Variants in SLA observed in about 807,000 individuals in gnomAD.
The protein encoded by SLA is Src like adaptor, also known as src-like-adapter.
SLA carries 16 observed loss-of-function variants against 30.3 expected under a neutral mutation model. That is an observed-to-expected ratio of 0.53 (90% CI 0.36 to 0.80). SLA has a LOEUF of 0.80. Ranked by LOEUF, SLA falls within the 30% of genes least tolerant of loss-of-function variation. SLA has a pLI of 0.01. For missense variants in SLA, 310 were observed against 345.2 expected, an observed-to-expected ratio of 0.90 and a Z score of 0.81; for synonymous variants, 143 against 137.8, an observed-to-expected ratio of 1.04 and a Z score of -0.26.
chr8:133,098,296 C>G (rs1848735989), intron 1 of SLA, among the ~76,000 whole-genome samples: 1 of 152,198 alleles, frequency 6.6e-6, no homozygotes, highest in African/African-American at 2.4e-5. Flanking sequence ...TACATGTGTA[C>G]TCTTGTACTA....
intron 1 of SLA, among the ~76,000 whole-genome samples, chr8:133,097,095 G>C (rs1255423984): frequency 3.3e-5 from 5 of 152,240 alleles, no homozygotes; most frequent in Non-Finnish European, 7.3e-5. Context: ...TGTGCATAAA[G>C]CACAAAGAGA....
At position 133,050,906 on chromosome 8, in the gene SLA, C is replaced by T. The variant is rs1162275630; in HGVS notation, c.71G>A (p.Ser24Asn). ...GTCACTTAGCACGGCAAGGAAGTCG[C>T]TATCCAGTCCTGGGGAAACAAAGGC... The part of the protein sequence containing the change: ...RPLPNPEGLD[S>N]DFLAVLSDYP... Residue 24 changes from serine to asparagine, a missense_variant, in exon 4 of 9, where the codon AGC (serine) becomes AAC (asparagine). Coordinates refer to ENST00000338087, the MANE Select transcript of SLA (RefSeq NM_001045556.3). 1 of 1,611,306 alleles carries T rather than the reference C, an allele frequency of 6.2e-7. No individual in the cohort carries two copies. The highest frequency in any genetic ancestry group is 2.2e-5 in the East Asian group (1 of 44,860).
chr8:133,067,776 T>TAGAA (rs1266727359), intron 2 of SLA, among the ~76,000 whole-genome samples: 1 of 140,916 alleles, frequency 7.1e-6, no homozygotes, highest in African/African-American at 2.7e-5. Flanking sequence ...AGACTCCATC[T>TAGAA]AGAAAGAAAG....
At chr8:133,100,784 G>C (rs1240628703) in intron 1 of SLA, among the ~76,000 whole-genome samples, 1 of 152,022 alleles carries the variant, frequency 6.6e-6, no homozygotes, top group East Asian at 1.9e-4. Flanking sequence ...ATGTGCAAAG[G>C]GCTTTCCAAT....
At chr8:133,083,757 G>A (rs1474727066) in intron 1 of SLA, among the ~76,000 whole-genome samples, 7 of 152,104 alleles carry the variant, frequency 4.6e-5, no homozygotes, top group Non-Finnish European at 1.0e-4. Context: ...TGTTGGAATT[G>A]TGTGATGTGG....
At position 133,059,114 on chromosome 8, in the gene SLA, G is replaced by A. The variant is rs115006206; in HGVS notation, c.61+986C>T. The A allele has an allele frequency of 1.1e-3, 507 of 456,312 alleles. 5 individuals are homozygous for A. The highest frequency in any genetic ancestry group is 9.1e-3 in the African/African-American group (457 of 50,216). 28.3% of individuals were successfully genotyped at this position (456,312 alleles called of 1,614,324 possible). The stretch of plus-strand genomic sequence containing the variant: ...GTCCACTTCCCTGTCAGGCTCGGCA[G>A]ACAGGGCAGCCATCTGCGCCAGTGA... On this transcript the variant is annotated intron_variant, in intron 3 of 8. Coordinates refer to ENST00000338087, the MANE Select transcript of SLA (RefSeq NM_001045556.3).
intron 3 of SLA, chr8:133,059,219 CA>C (rs1486523180): frequency 1.6e-5 from 7 of 444,982 alleles, no homozygotes; most frequent in African/African-American, 1.2e-4. Context: ...CACCAGGCCC[CA>C]AATGCTACCA....
At chr8:133,083,039 G>A (rs113607753) in intron 1 of SLA, among the ~76,000 whole-genome samples, 619 of 152,314 alleles carry the variant, frequency 4.1e-3, no homozygotes, top group Non-Finnish European at 5.1e-3. Flanking sequence ...TGGAGGGAGA[G>A]CGATGAGTAG....
intron 6 of SLA, 32 bp downstream of exon 6, chr8:133,047,798 G>T (rs192482325): frequency 1.7e-6 from 2 of 1,197,612 alleles, no homozygotes; most frequent in Non-Finnish European, 2.5e-6. Flanking sequence ...TGTCTGCCCC[G>T]GATGGGGAAA....
intron 2 of SLA, chr8:133,063,743 A>G (rs1288306548): frequency 6.6e-6 from 1 of 152,198 alleles, no homozygotes; most frequent in East Asian, 1.9e-4. Flanking sequence ...ATGACCACCA[A>G]AAAAACCATC....
intron 1 of SLA, among the ~76,000 whole-genome samples, chr8:133,100,104 C>T (rs1447686359): frequency 6.6e-6 from 1 of 152,200 alleles, no homozygotes; most frequent in East Asian, 1.9e-4. Flanking sequence ...TCCTGCTGTT[C>T]CCTCTTGGCT....
At chr8:133,087,557 T>C (rs981861441) in intron 1 of SLA, among the ~76,000 whole-genome samples, 1 of 152,236 alleles carries the variant, frequency 6.6e-6, no homozygotes, top group Middle Eastern at 3.2e-3. Context: ...AATGACTGTT[T>C]CCATTTTGAC....
chr8:133,057,111 C>T (rs1385865574), intron 3 of SLA, among the ~76,000 whole-genome samples: 1 of 145,194 alleles, frequency 6.9e-6, no homozygotes, highest in East Asian at 2.3e-4. Flanking sequence ...TTCCACTGGG[C>T]AACTATGTAA....
At position 133,040,060 on chromosome 8, in the gene SLA, C is replaced by T. The variant is rs1372668526; in HGVS notation, c.555G>A (p.Val185=). 6.4e-7 allele frequency: 1 copy of T among 1,554,914 alleles called. No homozygotes were observed. The highest frequency in any genetic ancestry group is 8.7e-7 in the Non-Finnish European group (1 of 1,148,708). The change falls in exon 8 of 9, where the codon GTG becomes GTA. Residue 185 remains valine (V), a synonymous_variant. Coordinates refer to ENST00000338087, the MANE Select transcript of SLA (RefSeq NM_001045556.3). ...AGGTGACAGGTGAGCTGGAGGCCCT[C>T]ACTGCTGGGGCAGCCGTGCTTTGTG... is the stretch of plus-strand genomic sequence containing the variant. ...CLTQSTAAPA[V]RASSSPVTLR...
intron 1 of SLA, among the ~76,000 whole-genome samples, chr8:133,095,439 T>C (rs1564184996): frequency 6.6e-6 from 1 of 152,198 alleles, no homozygotes; most frequent in Non-Finnish European, 1.5e-5. Context: ...AATTTGTCTT[T>C]CTTATTTATA....
rs189094351 is a variant in SLA, at chr8:133,038,927, G to C, written c.618-190C>G. 4.8e-3 allele frequency among the ~76,000 whole-genome samples: 725 copies of C among 152,084 alleles called. 6 individuals carry two copies. Among genetic ancestry groups the C allele is most frequent in the Non-Finnish European group, 8.3e-3 (563 of 67,968 alleles). On this transcript the variant is annotated intron_variant, in intron 8 of 8. Transcript: ENST00000338087. ...GAGTCTCGCTCTGTTGCCCAGGCTG[G>C]AGTGCAGTGGTGCAATCTCTGCTCA... is the stretch of plus-strand genomic sequence containing the variant.
intron 1 of SLA, among the ~76,000 whole-genome samples, chr8:133,084,622 A>G (rs1846242340): frequency 6.6e-6 from 1 of 152,230 alleles, no homozygotes; most frequent in South Asian, 2.1e-4. Flanking sequence ...GGAAAAAGGC[A>G]TTTTGTCAAG....
intron 1 of SLA, among the ~76,000 whole-genome samples, chr8:133,092,816 G>A (rs865893008): frequency 2.0e-5 from 3 of 152,158 alleles, no homozygotes; most frequent in East Asian, 1.9e-4. Flanking sequence ...GTTGGCTTGC[G>A]TAAACACCAA....
intron 2 of SLA, among the ~76,000 whole-genome samples, chr8:133,069,743 A>G (rs1014822416): frequency 6.6e-6 from 1 of 152,104 alleles, no homozygotes; most frequent in Non-Finnish European, 1.5e-5. Context: ...GCTCATGCCT[A>G]TAATCCCAGC....
Sources: allele counts gnomAD v4.1 joint callset (sites outside exome capture counted in the v4.1 genomes callset), GRCh38; gene constraint gnomAD v4.1.1; transcripts MANE v1.5; gene names NCBI Gene and HGNC (gene_info 2026-07-23, HGNC 2026-07-21).